The following PDLIM1 variants were observed in gnomAD, a reference collection of about 807,000 sequenced individuals.
PDLIM1 encodes the protein PDZ and LIM domain protein 1.
In PDLIM1, 25 loss-of-function variants were observed where a neutral mutation model predicts 35.2. That is an observed-to-expected ratio of 0.71 (90% CI 0.52 to 0.99). The LOEUF (loss-of-function observed/expected upper bound fraction) is 0.99, where lower values mean the gene tolerates loss of function less well. PDLIM1 is among the 50% of genes least tolerant of loss of function. PDLIM1 has a pLI of 0.00. For missense variants in PDLIM1, 363 were observed against 415.3 expected, an observed-to-expected ratio of 0.87 and a Z score of 1.09; for synonymous variants, 152 against 154.0, an observed-to-expected ratio of 0.99 and a Z score of 0.10.
chr10:95,239,011 A>G (rs979522258), intron 5 of PDLIM1, among the ~76,000 whole-genome samples: 2 of 144,568 alleles, frequency 1.4e-5, no homozygotes, highest in African/African-American at 2.5e-5. Context: ...TACTGGTAGA[A>G]GAACAGAGAA....
chr10:95,268,743 G>A, intron 3 of PDLIM1, 35 bp downstream of exon 3: 1 of 1,340,688 alleles, frequency 7.5e-7, no homozygotes, highest in Non-Finnish European at 1.1e-6. Context: ...AGTGCTGGGT[G>A]GTGAGAGCAG....
rs552350801 is a variant in PDLIM1 at position 95,270,396 on chromosome 10, C to T, written c.248+1237G>A. Among the ~76,000 whole-genome samples, 20 of 150,650 alleles carry T rather than the reference C, an allele frequency of 1.3e-4. 1 individual carries two copies. The South Asian group carries it at 3.4e-3, about 25-fold the overall frequency. Reference sequence around the variant, plus strand: ...GAGAATCTAACCAAAGGCTCCATGACAAAGAGCTGTGGCAGCTAAGGTTAG... The same window carrying T: ...GAGAATCTAACCAAAGGCTCCATGATAAAGAGCTGTGGCAGCTAAGGTTAG... On this transcript the variant is annotated intron_variant, in intron 2 of 6. Coordinates refer to ENST00000329399, the MANE Select transcript of PDLIM1 (RefSeq NM_020992.4).
rs1041672666 is a variant in PDLIM1 at position 95,290,444 on chromosome 10, C to A, written c.96+376G>T. Among the ~76,000 whole-genome samples the A allele has an allele frequency of 6.0e-5, 9 of 151,068 alleles. No homozygotes were observed. Among genetic ancestry groups the A allele is most frequent in the Admixed American group, 5.3e-4 (8 of 15,192 alleles). On this transcript the variant is annotated intron_variant, in intron 1 of 6. Coordinates refer to ENST00000329399, the MANE Select transcript of PDLIM1 (RefSeq NM_020992.4). The surrounding 1 kb of genome is among the most constrained non-coding windows in gnomAD (Gnocchi z 4.7). ...TTTCCTGTTGCGTTCGGCTGCACTG[C>A]GATCTGGGAAGAAGGGAGAAGTGCC...
At chr10:95,286,196 A>C (rs1439782207) in intron 1 of PDLIM1, among the ~76,000 whole-genome samples, 1 of 152,152 alleles carries the variant, frequency 6.6e-6, no homozygotes, top group Non-Finnish European at 1.5e-5. Flanking sequence ...ATCTCTACTA[A>C]AAATACAAAA....
intron 5 of PDLIM1, among the ~76,000 whole-genome samples, chr10:95,242,618 C>T (rs1393353086): frequency 4.0e-5 from 6 of 150,780 alleles, no homozygotes; most frequent in East Asian, 2.0e-4. Flanking sequence ...ACCCGGGAGG[C>T]GGAGGTTGCA....
chr10:95,253,996 A>C lies in PDLIM1; in HGVS notation c.534-6630T>G, dbSNP rs1589509317. Among the ~76,000 whole-genome samples the C allele has an allele frequency of 3.3e-5, 5 of 152,238 alleles. No homozygotes were observed. In the East Asian group the frequency reaches 9.6e-4, roughly 29 times the overall value. ...AAAAGGTTATACAAAGACATAGAAT[A>C]AAAAACACTACAAATAAAAATGTTA... On this transcript the variant is annotated intron_variant, in intron 4 of 6. Coordinates refer to ENST00000329399, the MANE Select transcript of PDLIM1 (RefSeq NM_020992.4).
chr10:95,271,874 A>G, intron 1 of PDLIM1, 90 bp from the exon 2 acceptor site: 1 of 1,234,242 alleles, frequency 8.1e-7, no homozygotes, highest in Non-Finnish European at 1.1e-6. Context: ...TATGGAGCAA[A>G]GCCCTGAAAA....
chr10:95,239,143 CAT>C (rs1427397922), intron 5 of PDLIM1, among the ~76,000 whole-genome samples: 1 of 152,104 alleles, frequency 6.6e-6, no homozygotes, highest in Non-Finnish European at 1.5e-5. Flanking sequence ...CCTGGCTAGC[CAT>C]ATGCAGAAAA....
At chr10:95,280,257 C>G (rs2035549741) in intron 1 of PDLIM1, among the ~76,000 whole-genome samples, 1 of 152,076 alleles carries the variant, frequency 6.6e-6, no homozygotes, top group Non-Finnish European at 1.5e-5. Flanking sequence ...TGCCTGTAAT[C>G]CCAGCTACTC....
chr10:95,246,807 T>C (rs2035225585), intron 5 of PDLIM1, among the ~76,000 whole-genome samples: 3 of 152,194 alleles, frequency 2.0e-5, no homozygotes, highest in African/African-American at 4.8e-5. Flanking sequence ...CACTAATTCA[T>C]TCTCATTCTG....
Position 95,241,267 on chromosome 10 carries a change from T to C in PDLIM1, c.686-2582A>G, listed in dbSNP as rs1564596848. Among the ~76,000 whole-genome samples, 7 of 152,188 alleles carry C rather than the reference T, an allele frequency of 4.6e-5. No individual in the cohort carries two copies. In the South Asian group the frequency reaches 1.4e-3, roughly 31 times the overall value. ...TTATTAATTGTTTATTTTTACTGATTAGAGATAGCATCTCGCTATGTTGTG... is the reference window on the plus strand; with the variant it reads ...TTATTAATTGTTTATTTTTACTGATCAGAGATAGCATCTCGCTATGTTGTG... On this transcript the variant is annotated intron_variant, in intron 5 of 6. Transcript: ENST00000329399.
intron 1 of PDLIM1, among the ~76,000 whole-genome samples, chr10:95,282,879 G>C (rs11599160): frequency 0.17 from 26,573 of 152,146 alleles, 2,933 homozygotes; most frequent in African/African-American, 0.31. Flanking sequence ...AGGAGATGGA[G>C]GTTGCAATGA....
chr10:95,254,444 T>C (rs1564600079), intron 4 of PDLIM1, among the ~76,000 whole-genome samples: 1 of 152,174 alleles, frequency 6.6e-6, no homozygotes, highest in African/African-American at 2.4e-5. Context: ...CCAACAGCTA[T>C]AGCAATGTTA....
At chr10:95,264,787 C>G (rs1226590685) in intron 3 of PDLIM1, among the ~76,000 whole-genome samples, 1 of 152,162 alleles carries the variant, frequency 6.6e-6, no homozygotes, top group Non-Finnish European at 1.5e-5. Flanking sequence ...TCCCTCCACC[C>G]CCACCCTAGA....
At chr10:95,268,195 TG>T (rs2035431252) in intron 3 of PDLIM1, among the ~76,000 whole-genome samples, 1 of 152,224 alleles carries the variant, frequency 6.6e-6, no homozygotes, top group Non-Finnish European at 1.5e-5. Context: ...AAATTCTATC[TG>T]GGTGACAAAT....
At chr10:95,286,970 CCTGG>C (rs1184500285) in intron 1 of PDLIM1, among the ~76,000 whole-genome samples, 33 of 152,326 alleles carry the variant, frequency 2.2e-4, no homozygotes, top group African/African-American at 7.7e-4. Flanking sequence ...CAGTCATCTA[CCTGG>C]CTGCAATACC....
At chr10:95,288,872 G>A (rs971271531) in intron 1 of PDLIM1, among the ~76,000 whole-genome samples, 3 of 152,234 alleles carry the variant, frequency 2.0e-5, no homozygotes, top group Non-Finnish European at 4.4e-5. Context: ...TGAGAATGGA[G>A]CTGTGCCCTC....
chr10:95,281,216 T>C (rs1427735430), intron 1 of PDLIM1, among the ~76,000 whole-genome samples: 1 of 151,572 alleles, frequency 6.6e-6, no homozygotes, highest in Non-Finnish European at 1.5e-5. Flanking sequence ...ATAAAATACA[T>C]ACAAAGCCCT....
At chr10:95,284,772 T>C (rs1039781686) in intron 1 of PDLIM1, among the ~76,000 whole-genome samples, 10 of 152,246 alleles carry the variant, frequency 6.6e-5, no homozygotes, top group Non-Finnish European at 1.5e-4. Flanking sequence ...GTAAGGAATC[T>C]GGCCTCCTAC....
Sources: allele counts gnomAD v4.1 joint callset (sites outside exome capture counted in the v4.1 genomes callset), GRCh38; gene constraint gnomAD v4.1.1; non-coding constraint Gnocchi (gnomAD v3.1); transcripts MANE v1.5; gene names NCBI Gene and HGNC (gene_info 2026-07-23, HGNC 2026-07-21).